Variants in PSMG2 observed in about 807,000 individuals in gnomAD.
PSMG2 encodes proteasome assembly chaperone 2.
A neutral mutation model predicts 31.5 loss-of-function variants in PSMG2; 21 were observed. The ratio of observed to expected loss-of-function variants is 0.67; its 90% CI spans 0.47 to 0.96. PSMG2 has a LOEUF of 0.96. Ranked by LOEUF, PSMG2 falls within the 40% of genes least tolerant of loss-of-function variation. PSMG2 has a pLI of 0.00. For missense variants in PSMG2, 318 were observed against 321.2 expected (o/e 0.99, Z 0.08); for synonymous variants, 120 against 110.4 (o/e 1.09, Z -0.54).
intron 1 of PSMG2, among the ~76,000 whole-genome samples, chr18:12,681,214 T>A (rs1404504335): frequency 5.6e-5 from 8 of 144,126 alleles, no homozygotes; most frequent in Non-Finnish European, 9.2e-5. Context: ...AAAAAAAAAA[T>A]GTTTATAAAG....
intron 3 of PSMG2, among the ~76,000 whole-genome samples, chr18:12,716,390 ATTT>A (rs552921643): frequency 7.7e-6 from 1 of 130,336 alleles, no homozygotes; most frequent in Non-Finnish European, 1.6e-5. Context: ...TAAAGAGTGA[ATTT>A]TTTTTTTTTT....
chr18:12,690,940 C>A (rs1284097710), intron 1 of PSMG2, among the ~76,000 whole-genome samples: 1 of 84,990 alleles, frequency 1.2e-5, no homozygotes, highest in Non-Finnish European at 3.2e-5. Context: ...ATGCCCAGAG[C>A]CCCCCCCCGT....
intron 1 of PSMG2, chr18:12,662,131 A>T: frequency 2.2e-6 from 1 of 450,152 alleles, no homozygotes; most frequent in Non-Finnish European, 4.4e-6. Context: ...AGCTTTTCCC[A>T]GACACTTCTG....
chr18:12,703,888 C>CA (rs922384771), intron 1 of PSMG2, among the ~76,000 whole-genome samples: 3 of 152,118 alleles, frequency 2.0e-5, no homozygotes, highest in Non-Finnish European at 4.4e-5. Context: ...ATGTCTAAAA[C>CA]AGAGTCAGTA....
At chr18:12,678,576 T>C (rs2039228029) in intron 1 of PSMG2, 1 of 607,706 alleles carries the variant, frequency 1.6e-6, no homozygotes, top group African/African-American at 1.8e-5. Flanking sequence ...TTTTCTTTTT[T>C]ATATTTCCAC....
chr18:12,706,155 T>C (rs1036204411), intron 1 of PSMG2, among the ~76,000 whole-genome samples: 1 of 152,214 alleles, frequency 6.6e-6, no homozygotes, highest in Non-Finnish European at 1.5e-5. Flanking sequence ...ATATAACTAT[T>C]GTATTCTGTC....
chr18:12,698,164 A>G (rs1260928061), upstream of PSMG2, among the ~76,000 whole-genome samples: 1 of 137,412 alleles, frequency 7.3e-6, no homozygotes, highest in Non-Finnish European at 1.5e-5. Flanking sequence ...TATTTTATTT[A>G]TATTTATTTG....
At chr18:12,678,498 C>T in intron 1 of PSMG2, 1 of 1,180,864 alleles carries the variant, frequency 8.5e-7, no homozygotes, top group African/African-American at 1.6e-5. Flanking sequence ...AAGGCAGCAT[C>T]TTACTGAGAA....
At chr18:12,686,272 C>G (rs1246828746) in intron 1 of PSMG2, 4 of 1,613,038 alleles carry the variant, frequency 2.5e-6, no homozygotes, top group Admixed American at 1.7e-5. Flanking sequence ...CTTGTTTCTA[C>G]AGAGAAAGGC....
chr18:12,669,933 G>GTTGCGGTGAGCCGAGA (rs200051048), intron 1 of PSMG2, among the ~76,000 whole-genome samples: 118,693 of 149,506 alleles, frequency 0.79, 47,606 homozygotes, highest in Non-Finnish European at 0.83. Context: ...GGAGGCGGAG[G>GTTGCGGTGAGCCGAGA]TTGCGGTGAG....
chr18:12,713,546 A>G (rs1251179234), intron 3 of PSMG2, among the ~76,000 whole-genome samples: 2 of 152,122 alleles, frequency 1.3e-5, no homozygotes, highest in African/African-American at 4.8e-5. Context: ...TTATCTCCTC[A>G]TGCTAACTCA....
intron 1 of PSMG2, among the ~76,000 whole-genome samples, chr18:12,690,014 CCT>C (rs1486191692): frequency 1.3e-5 from 2 of 152,202 alleles, no homozygotes; most frequent in Non-Finnish European, 2.9e-5. Flanking sequence ...GTCTCAAACC[CCT>C]GACCTCAGAG....
rs181256276 is a variant in PSMG2 at position 12,695,137 on chromosome 18, A to C, written c.-36-11413A>C. 2.3e-5 allele frequency: 11 copies of C among 472,662 alleles called. No homozygotes were observed. The Admixed American group carries it at 3.7e-4, about 16-fold the overall frequency. The allele number at this position is 472,662 out of a possible 1,614,324, so 29.3% of individuals were successfully genotyped here. ...TCCTTTTTGTGAACCTTTGAGTGCT[A>C]ATCTAGAAAGTAATAAATGGTAATT... On this transcript the variant is annotated intron_variant, in intron 1 of 6. Transcript: ENST00000585331.
intron 1 of PSMG2, among the ~76,000 whole-genome samples, chr18:12,667,766 A>G (rs2038832298): frequency 6.7e-6 from 1 of 150,322 alleles, no homozygotes; most frequent in Non-Finnish European, 1.5e-5. Context: ...TTCTCAAAAA[A>G]AAAAAAAAAA....
chr18:12,662,657 A>AT (rs1165406679), intron 1 of PSMG2, among the ~76,000 whole-genome samples: 1 of 152,178 alleles, frequency 6.6e-6, no homozygotes, highest in Non-Finnish European at 1.5e-5. Flanking sequence ...CACACCTATA[A>AT]TCCCAGCTGC....
At chr18:12,691,506 A>T (rs2039761494) in intron 1 of PSMG2, 4 of 1,554,764 alleles carry the variant, frequency 2.6e-6, no homozygotes, top group Non-Finnish European at 3.5e-6. Flanking sequence ...TGAAAAAAAT[A>T]TTTTTCAATT....
chr18:12,713,237 C>T (rs759480324), intron 3 of PSMG2, among the ~76,000 whole-genome samples: 11 of 152,156 alleles, frequency 7.2e-5, no homozygotes, highest in Non-Finnish European at 1.3e-4. Flanking sequence ...ATCCTCTAAA[C>T]GTACACCACA....
chr18:12,677,796 G>A (rs1026331696), intron 1 of PSMG2, among the ~76,000 whole-genome samples: 4 of 152,070 alleles, frequency 2.6e-5, no homozygotes, highest in Non-Finnish European at 5.9e-5. Context: ...ATGTGAATAA[G>A]CATTTCACAA....
rs145419237 is a variant in PSMG2, at chr18:12,715,651, G to A, written c.289-2866G>A. ...CTCCTGAGTAACTGGGATTACAGGTGCCCGCCACCACGCCTGGCTACTTTT... is the reference window on the plus strand; with the variant it reads ...CTCCTGAGTAACTGGGATTACAGGTACCCGCCACCACGCCTGGCTACTTTT... On this transcript the variant is annotated intron_variant, in intron 3 of 6. Transcript: ENST00000317615. Among the ~76,000 whole-genome samples the A allele has an allele frequency of 1.2e-3, 181 of 152,108 alleles. 1 individual carries two copies. The highest frequency in any genetic ancestry group is 2.1e-3 in the Non-Finnish European group (141 of 68,002).
Sources: allele counts gnomAD v4.1 joint callset (sites outside exome capture counted in the v4.1 genomes callset), GRCh38; gene constraint gnomAD v4.1.1; transcripts MANE v1.5; gene names NCBI Gene and HGNC (gene_info 2026-07-23, HGNC 2026-07-21).